NAA25: variants seen among roughly 807,000 people sequenced by gnomAD.
The protein encoded by NAA25 is N-terminal acetyltransferase B complex subunit NAA25.
NAA25 carries 30 observed loss-of-function variants against 132.5 expected under a neutral mutation model. The observed-to-expected ratio is 0.23, with a 90% CI of 0.17 to 0.31. The LOEUF (loss-of-function observed/expected upper bound fraction) is 0.31. Among genes scored for constraint, NAA25 ranks in the 10% least tolerant of loss-of-function variants. The pLI is 1.00. For missense variants in NAA25, 771 were observed against 1,150.4 expected (o/e 0.67, Z 4.77); for synonymous variants, 359 against 401.9 (o/e 0.89, Z 1.28).
At chr12:112,071,834 G>GCCT in intron 10 of NAA25, 61 bp downstream of exon 10, 1 of 1,189,810 alleles carries the variant, frequency 8.4e-7, no homozygotes, top group Non-Finnish European at 1.1e-6. Flanking sequence ...CTCAACTAAT[G>GCCT]AATATAGCAC....
In NAA25 at chr12:112,078,234, C is replaced by T. The variant is rs902839256; in HGVS notation, c.618G>A (p.Leu206=). ...VELYYMILER[L]GKYQEALDVI... Reference sequence around the variant, plus strand: ...CATCCAAGGCCTCCTGGTACTTTCCCAAACGTTCCAGGATCATATAATAAA... The same window carrying T: ...CATCCAAGGCCTCCTGGTACTTTCCTAAACGTTCCAGGATCATATAATAAA... The change falls in exon 7 of 24, where the codon TTG becomes TTA. Residue 206 remains leucine (L), a synonymous_variant. Transcript: ENST00000261745. 1.2e-6 allele frequency: 2 copies of T among 1,610,032 alleles called. No homozygotes were observed. Among genetic ancestry groups the T allele is most frequent in the Admixed American group, 3.4e-5 (2 of 59,476 alleles).
chr12:112,057,209 A>G (rs998317876), intron 13 of NAA25, among the ~76,000 whole-genome samples: 6 of 152,130 alleles, frequency 3.9e-5, no homozygotes, highest in African/African-American at 1.4e-4. Context: ...ATAAGATAAA[A>G]TAAAATAACA....
At chr12:112,075,568 T>C (rs1359185891) in intron 8 of NAA25, 110 bp downstream of exon 8, 1 of 818,202 alleles carries the variant, frequency 1.2e-6, no homozygotes, top group South Asian at 1.6e-5. Context: ...ACAACTACTA[T>C]AAGAAGACTT....
intron 7 of NAA25, among the ~76,000 whole-genome samples, chr12:112,076,820 A>AC (rs1260814337): frequency 4.0e-5 from 6 of 151,630 alleles, no homozygotes; most frequent in South Asian, 4.2e-4. Context: ...ACATATTGAG[A>AC]CCCCACCTCT....
intron 17 of NAA25, among the ~76,000 whole-genome samples, chr12:112,044,761 G>T (rs1566001319): frequency 2.6e-5 from 4 of 151,932 alleles, no homozygotes; most frequent in Admixed American, 2.0e-4. Flanking sequence ...AATACATGAG[G>T]ACAGGTGTGG....
At chr12:112,034,040 A>C (rs1192318056) in intron 22 of NAA25, 1 of 152,206 alleles carries the variant, frequency 6.6e-6, no homozygotes, top group Non-Finnish European at 1.5e-5. Flanking sequence ...AATTTTAAAA[A>C]TCAGTATTAG....
At chr12:112,041,983 A>G in intron 20 of NAA25, 56 bp downstream of exon 20, 1 of 1,064,928 alleles carries the variant, frequency 9.4e-7, no homozygotes, top group South Asian at 1.6e-5. Context: ...AAGAACTTCG[A>G]AGCTATTGCC....
chr12:112,044,374 T>C (rs1032580032), intron 17 of NAA25, among the ~76,000 whole-genome samples: 8 of 152,102 alleles, frequency 5.3e-5, no homozygotes, highest in Non-Finnish European at 1.0e-4. Context: ...ATAACCTATT[T>C]AACAGGTCAT....
At chr12:112,106,472 C>T (rs1393223793) in intron 1 of NAA25, among the ~76,000 whole-genome samples, 2 of 152,160 alleles carry the variant, frequency 1.3e-5, no homozygotes, top group African/African-American at 4.8e-5. Flanking sequence ...CAGTTCTCAC[C>T]TTCCATCACC....
At chr12:112,061,589 A>G (rs1307451153) in intron 11 of NAA25, among the ~76,000 whole-genome samples, 2 of 152,240 alleles carry the variant, frequency 1.3e-5, no homozygotes, top group Admixed American at 6.5e-5. Flanking sequence ...TGAAGCTCCA[A>G]TGAAACTGGC....
At chr12:112,071,099 G>A (rs1382242000) in intron 10 of NAA25, among the ~76,000 whole-genome samples, 1 of 152,040 alleles carries the variant, frequency 6.6e-6, no homozygotes, top group South Asian at 2.1e-4. Flanking sequence ...GGCCAGGCTG[G>A]TCTTGAACAC....
rs4766765 is a variant in NAA25 at position 112,055,305 on chromosome 12, T to C, written c.1448-737A>G. On this transcript the variant is annotated intron_variant, in intron 13 of 23. Coordinates refer to ENST00000261745, the MANE Select transcript of NAA25 (RefSeq NM_024953.4). ...AATTACAAAGGAAAATGTGCAATAA[T>C]GTTCAGTAAAACACACACACAGAAA... is the stretch of plus-strand genomic sequence containing the variant. 0.055 allele frequency among the ~76,000 whole-genome samples: 8,430 copies of C among 152,206 alleles called. 1,295 individuals are homozygous for C. In the East Asian group the frequency reaches 0.61, roughly 11 times the overall value.
intron 2 of NAA25, 68 bp from the exon 3 acceptor site, chr12:112,090,932 G>T: frequency 6.9e-7 from 1 of 1,441,424 alleles, no homozygotes; most frequent in South Asian, 1.3e-5. Flanking sequence ...AAAGAAAGCC[G>T]ATCTGAAAGA....
chr12:112,029,472 C>G lies in NAA25; in HGVS notation c.*59G>C. Reference sequence around the variant, plus strand: ...ATGGTCAACCAGATGTTGCTTTTGCCTGGGAAGATGGTGTCATATTCTGTT... The same window carrying G: ...ATGGTCAACCAGATGTTGCTTTTGCGTGGGAAGATGGTGTCATATTCTGTT... On this transcript the variant is annotated 3_prime_UTR_variant, in exon 24 of 24. Coordinates refer to ENST00000261745, the MANE Select transcript of NAA25 (RefSeq NM_024953.4). 2 of 1,606,718 alleles carry G rather than the reference C, an allele frequency of 1.2e-6. No homozygotes were observed. Among genetic ancestry groups the G allele is most frequent in the South Asian group, 2.2e-5 (2 of 90,378 alleles).
At chr12:112,083,419 C>A (rs1338695363) in intron 4 of NAA25, among the ~76,000 whole-genome samples, 1 of 151,992 alleles carries the variant, frequency 6.6e-6, no homozygotes, top group Admixed American at 6.6e-5. Flanking sequence ...GCAGGAGAAT[C>A]GCTTGAACCC....
chr12:112,049,636 C>T lies in NAA25; in HGVS notation c.1729-1193G>A. ...TCTGGAGAAATTAAAGACGGACGGA[C>T]ACAAGAAAATTAAAAAGATTACTTG... On this transcript the variant is annotated intron_variant, in intron 15 of 23. Coordinates refer to ENST00000261745, the MANE Select transcript of NAA25 (RefSeq NM_024953.4). The surrounding 1 kb of genome is among the most constrained non-coding windows in gnomAD (Gnocchi z 4.7). 1.0e-6 allele frequency: 1 copy of T among 985,614 alleles called. No individual in the cohort carries two copies. Among genetic ancestry groups the T allele is most frequent in the Non-Finnish European group, 1.2e-6 (1 of 829,914 alleles). The allele number at this position is 985,614 out of a possible 1,614,324, so 61.1% of individuals were successfully genotyped here. A position where few individuals can be genotyped will look rare whatever the true frequency, so the allele number is the denominator to read the frequency against.
intron 14 of NAA25, 78 bp from the exon 15 acceptor site, chr12:112,053,735 C>T (rs2078502105): frequency 3.5e-6 from 3 of 869,320 alleles, no homozygotes. Flanking sequence ...TATTACGCTT[C>T]AAATTACTTG....
chr12:112,108,615 G>C (rs879551225), intron 1 of NAA25, 101 bp downstream of exon 1: 273 of 1,189,546 alleles, frequency 2.3e-4, no homozygotes, highest in Admixed American at 2.7e-4. Flanking sequence ...GCGCCTGCCC[G>C]GCCCGCGCGC....
chr12:112,087,884 AG>A, intron 3 of NAA25, 83 bp from the exon 4 acceptor site: 2 of 849,352 alleles, frequency 2.4e-6, no homozygotes, highest in Middle Eastern at 2.7e-4. Context: ...TGGCAGAAAT[AG>A]ATGTCTCCTA....
Sources: allele counts gnomAD v4.1 joint callset (sites outside exome capture counted in the v4.1 genomes callset), GRCh38; gene constraint gnomAD v4.1.1; non-coding constraint Gnocchi (gnomAD v3.1); transcripts MANE v1.5; gene names NCBI Gene and HGNC (gene_info 2026-07-23, HGNC 2026-07-21).